RBFOX1: variants seen among roughly 807,000 people sequenced by gnomAD.
The protein encoded by RBFOX1 is RNA binding protein fox-1 homolog 1.
A neutral mutation model predicts 57.7 loss-of-function variants in RBFOX1; 8 were observed. The ratio of observed to expected loss-of-function variants is 0.14; its 90% confidence interval spans 0.08 to 0.25. The LOEUF is 0.25. RBFOX1 is among the 10% of genes least tolerant of loss of function. The pLI is 1.00. For synonymous variants in RBFOX1, 326 were observed against 222.4 expected (o/e 1.47, Z -4.15); for missense variants, 611 against 548.5 (o/e 1.11, Z -1.14).
At chr16:7,240,049 A>G (rs1490454209) in intron 4 of RBFOX1, among the ~76,000 whole-genome samples, 1 of 151,866 alleles carries the variant, frequency 6.6e-6, no homozygotes. Flanking sequence ...TCACTAGAAC[A>G]TTTGTCTCCT....
chr16:7,280,275 C>G (rs1390403589), intron 4 of RBFOX1, among the ~76,000 whole-genome samples: 1 of 152,200 alleles, frequency 6.6e-6, no homozygotes, highest in Non-Finnish European at 1.5e-5. Context: ...GGTCACTTCC[C>G]CAGCTTCACT....
At chr16:6,578,961 G>C (rs930044844) in intron 2 of RBFOX1, among the ~76,000 whole-genome samples, 20 of 151,956 alleles carry the variant, frequency 1.3e-4, no homozygotes, top group Non-Finnish European at 2.9e-4. Context: ...CTGGTGATGG[G>C]TGTACCAAAC....
Position 7,074,941 on chromosome 16 carries a change from G to A in RBFOX1, c.27+22843G>A, listed in dbSNP as rs2058034069. Among the ~76,000 whole-genome samples the A allele has an allele frequency of 2.0e-5, 3 of 152,152 alleles. No homozygotes were observed. In the South Asian group the frequency reaches 6.2e-4, roughly 31 times the overall value. On this transcript the variant is annotated intron_variant, in intron 4 of 15. Coordinates refer to ENST00000550418, the MANE Select transcript of RBFOX1 (RefSeq NM_018723.4). ...GAAAACTTCTGGGATTGGAAATGGTGAGGTTGGGAAGAGGTAGGGGAGCTC... is the reference window on the plus strand; with the variant it reads ...GAAAACTTCTGGGATTGGAAATGGTAAGGTTGGGAAGAGGTAGGGGAGCTC...
intron 2 of RBFOX1, among the ~76,000 whole-genome samples, chr16:6,633,074 A>G (rs11077058): frequency 0.075 from 11,379 of 152,154 alleles, 575 homozygotes; most frequent in African/African-American, 0.14. Flanking sequence ...TTCCTGGGAC[A>G]TGCTTTTTTC....
At chr16:6,646,061 T>G (rs1568024840) in intron 2 of RBFOX1, among the ~76,000 whole-genome samples, 1 of 150,380 alleles carries the variant, frequency 6.6e-6, no homozygotes, top group Non-Finnish European at 1.5e-5. Flanking sequence ...AATTGATTGC[T>G]TGGTGATGAG....
chr16:6,833,464 G>A (rs954496195), intron 3 of RBFOX1, among the ~76,000 whole-genome samples: 1 of 152,116 alleles, frequency 6.6e-6, no homozygotes, highest in African/African-American at 2.4e-5. Context: ...ACTGCTCCCA[G>A]CCTCAAGCTT....
At chr16:5,249,429 G>T (rs576286651) in intron 1 of RBFOX1, among the ~76,000 whole-genome samples, 2 of 152,212 alleles carry the variant, frequency 1.3e-5, no homozygotes, top group Admixed American at 6.5e-5. Flanking sequence ...GTCGGCTTAA[G>T]TTGCAAGGTG....
At chr16:6,868,592 G>C (rs946436380) in intron 3 of RBFOX1, among the ~76,000 whole-genome samples, 3 of 151,902 alleles carry the variant, frequency 2.0e-5, no homozygotes, top group African/African-American at 7.3e-5. Context: ...CTGCTTTAGC[G>C]TCCTGAGTAG....
chr16:6,049,362 TATTTAAAAGTAG>T lies in RBFOX1; in HGVS notation c.-127+29372_-127+29383del, dbSNP rs1480585805. Among the ~76,000 whole-genome samples the T allele has an allele frequency of 2.3e-4, 35 of 152,154 alleles. 1 individual carries two copies. Among genetic ancestry groups the T allele is most frequent in the Non-Finnish European group, 5.1e-4 (35 of 68,040 alleles). On this transcript the variant is annotated intron_variant, in intron 1 of 15. Coordinates refer to ENST00000550418, the MANE Select transcript of RBFOX1 (RefSeq NM_018723.4). ...TCTTTATTAAATAAAACTTAAAGCA[TATTTAAAAGTAG>T]AGAGAATAGCCTGAAGAATCACCTT...
chr16:5,709,116 T>G (rs1407462004), intron 3 of RBFOX1, among the ~76,000 whole-genome samples: 1 of 152,222 alleles, frequency 6.6e-6, no homozygotes, highest in Non-Finnish European at 1.5e-5. Context: ...ATGTTGAGTT[T>G]CTGTCTCTTG....
chr16:6,822,747 G>A (rs1416146801), intron 3 of RBFOX1, among the ~76,000 whole-genome samples: 4 of 152,256 alleles, frequency 2.6e-5, no homozygotes, highest in Non-Finnish European at 1.5e-5. Context: ...GGAGAGGGGT[G>A]GAAAAGAACC....
chr16:5,663,575 G>T (rs897218431), intron 3 of RBFOX1, among the ~76,000 whole-genome samples: 9 of 152,042 alleles, frequency 5.9e-5, no homozygotes, highest in African/African-American at 1.7e-4. Flanking sequence ...GAGTGCAGGG[G>T]GTGCAATCCC....
chr16:5,709,823 A>ATATATATATATATC (rs2051392867), intron 3 of RBFOX1, among the ~76,000 whole-genome samples: 1 of 11,844 alleles, frequency 8.4e-5, no homozygotes, highest in African/African-American at 4.4e-4. Flanking sequence ...ATATATATAT[A>ATATATATATATATC]TATATATATA....
intron 11 of RBFOX1, among the ~76,000 whole-genome samples, chr16:7,632,966 C>G (rs972724911): frequency 6.6e-6 from 1 of 152,164 alleles, no homozygotes; most frequent in African/African-American, 2.4e-5. Flanking sequence ...GGAAGCATCT[C>G]TCACATCACA....
At chr16:6,944,058 C>G (rs916901005) in intron 3 of RBFOX1, among the ~76,000 whole-genome samples, 1 of 152,092 alleles carries the variant, frequency 6.6e-6, no homozygotes, top group East Asian at 1.9e-4. Context: ...ACCAACACTG[C>G]AAAGCCTGAA....
chr16:7,163,316 G>T (rs1325102715), intron 4 of RBFOX1, among the ~76,000 whole-genome samples: 1 of 152,132 alleles, frequency 6.6e-6, no homozygotes, highest in Non-Finnish European at 1.5e-5. Context: ...CTTGTCCCCT[G>T]GTGATGAGTA....
At chr16:5,673,675 C>G (rs761368545) in intron 3 of RBFOX1, among the ~76,000 whole-genome samples, 2 of 152,130 alleles carry the variant, frequency 1.3e-5, no homozygotes, top group African/African-American at 4.8e-5. Context: ...CTTTGACTTG[C>G]ATTTCTTCTC....
chr16:5,751,421 A>C (rs1490595794), intron 3 of RBFOX1, among the ~76,000 whole-genome samples: 1 of 152,208 alleles, frequency 6.6e-6, no homozygotes, highest in African/African-American at 2.4e-5. Context: ...GTGGGCGGAT[A>C]CCGTCTCCAC....
intron 3 of RBFOX1, among the ~76,000 whole-genome samples, chr16:6,893,054 T>G (rs905222022): frequency 2.6e-5 from 4 of 152,200 alleles, no homozygotes; most frequent in Non-Finnish European, 4.4e-5. Flanking sequence ...TACATGATCT[T>G]TCTCTTCAGA....
Sources: gnomAD v4.1 joint callset for allele counts (sites outside exome capture counted in the v4.1 genomes callset) on GRCh38, gnomAD v4.1.1 for gene constraint, MANE v1.5 for transcripts, NCBI Gene and HGNC (gene_info 2026-07-23, HGNC 2026-07-21) for gene names.